Variants in INTS3 observed in about 807,000 individuals in gnomAD.
INTS3 encodes SOSS complex subunit A.
Under a neutral mutation model 146.3 loss-of-function variants are expected in INTS3, and 34 were observed. That is an observed-to-expected ratio of 0.23 (90% CI 0.18 to 0.31). The LOEUF (loss-of-function observed/expected upper bound fraction) is 0.31. Ranked by LOEUF, INTS3 falls within the 10% of genes least tolerant of loss-of-function variation. INTS3 has a pLI of 1.00. For missense variants in INTS3, 757 were observed against 1,304.2 expected, an observed-to-expected ratio of 0.58 and a Z score of 6.46; for synonymous variants, 475 against 494.9, an observed-to-expected ratio of 0.96 and a Z score of 0.53.
Position 153,774,060 on chromosome 1 carries a change from A to G in INTS3, c.*790A>G, listed in dbSNP as rs565693379. The G allele has an allele frequency of 5.0e-5, 8 of 160,494 alleles. No individual in the cohort carries two copies. The highest frequency in any genetic ancestry group is 4.8e-5 in the African/African-American group (2 of 41,430). The allele number at this position is 160,494 out of a possible 1,614,324, so 9.9% of individuals were successfully genotyped here. ...TCTTAAAAGTTGTTTTTAAATGACA[A>G]TAAAACAAGCCAGAATGTCTTTTGT... is the stretch of plus-strand genomic sequence containing the variant. On this transcript the variant is annotated 3_prime_UTR_variant, in exon 30 of 30. Coordinates refer to ENST00000318967, the MANE Select transcript of INTS3 (RefSeq NM_023015.5).
chr1:153,765,580 T>A (rs917399878), intron 20 of INTS3, among the ~76,000 whole-genome samples: 4 of 152,080 alleles, frequency 2.6e-5, no homozygotes, highest in Non-Finnish European at 5.9e-5. Flanking sequence ...TTTATTTATT[T>A]ATTTTTTGAG....
chr1:153,767,207 C>G, intron 20 of INTS3: 1 of 154,264 alleles, frequency 6.5e-6, no homozygotes. Flanking sequence ...TCTTTTACCA[C>G]TTGTGTTTTT....
chr1:153,765,674 A>G (rs1672553139), intron 20 of INTS3, among the ~76,000 whole-genome samples: 1 of 151,720 alleles, frequency 6.6e-6, no homozygotes, highest in African/African-American at 2.4e-5. Context: ...GGTTCAAGCA[A>G]TTCTCCCACC....
intron 25 of INTS3, among the ~76,000 whole-genome samples, 177 bp from the exon 26 acceptor site, chr1:153,771,618 CT>C (rs1317965013): frequency 6.6e-6 from 1 of 152,182 alleles, no homozygotes; most frequent in Non-Finnish European, 1.5e-5. Context: ...CTCACTTCTT[CT>C]CTCCTGGCTT....
At chr1:153,756,730 C>T (rs1188953970) in intron 9 of INTS3, among the ~76,000 whole-genome samples, 1 of 151,794 alleles carries the variant, frequency 6.6e-6, no homozygotes, top group African/African-American at 2.4e-5. Flanking sequence ...GCAGGAGAAT[C>T]GCTTGAACCT....
rs1473861578 is a variant in INTS3, at chr1:153,728,057, C to T, written c.-578C>T. On this transcript the variant is annotated 5_prime_UTR_variant, in exon 1 of 30. Coordinates refer to ENST00000318967, the MANE Select transcript of INTS3 (RefSeq NM_023015.5). ...CCCCCTCCCCCGCCCTCCGCCTTCC[C>T]ACCCCCCGCCCTTCCACTATGGCCG... 2 of 170,488 alleles carry T rather than the reference C, an allele frequency of 1.2e-5. No homozygotes were observed. The highest frequency in any genetic ancestry group is 1.4e-4 in the East Asian group (1 of 7,102). The allele number at this position is 170,488 out of a possible 1,614,324, so 10.6% of individuals were successfully genotyped here. A position where few individuals can be genotyped will look rare whatever the true frequency, so the allele number is the denominator to read the frequency against.
chr1:153,729,673 C>G (rs1670991519), intron 1 of INTS3, among the ~76,000 whole-genome samples: 1 of 152,080 alleles, frequency 6.6e-6, no homozygotes, highest in Non-Finnish European at 1.5e-5. Context: ...CGAGACCATC[C>G]TGGCCAACAT....
intron 25 of INTS3, among the ~76,000 whole-genome samples, chr1:153,771,037 G>GC (rs945565438): frequency 8.3e-4 from 122 of 147,306 alleles, no homozygotes; most frequent in African/African-American, 1.6e-3. Flanking sequence ...TCCCCGCCGC[G>GC]CCCCCCCCAC....
chr1:153,760,734 T>A, intron 12 of INTS3, 93 bp from the exon 13 acceptor site: 2 of 1,030,964 alleles, frequency 1.9e-6, no homozygotes, highest in Non-Finnish European at 3.1e-6. Flanking sequence ...CAGTGTCCCC[T>A]GATCAAAACC....
chr1:153,747,445 C>A, intron 5 of INTS3, 82 bp downstream of exon 5: 2 of 1,047,126 alleles, frequency 1.9e-6, no homozygotes, highest in Non-Finnish European at 3.0e-6. Context: ...GATTAAGTGC[C>A]AAAGGGATGG....
chr1:153,744,698 A>G (rs1671659734), intron 3 of INTS3, among the ~76,000 whole-genome samples: 2 of 152,232 alleles, frequency 1.3e-5, no homozygotes, highest in Admixed American at 6.5e-5. Context: ...TAGAGAGCAG[A>G]TGGTACTGAG....
intron 3 of INTS3, among the ~76,000 whole-genome samples, chr1:153,743,361 T>C (rs1326314292): frequency 6.6e-6 from 1 of 152,146 alleles, no homozygotes; most frequent in Non-Finnish European, 1.5e-5. Flanking sequence ...GGGAAGTGGA[T>C]ATGGTGGAGA....
Position 153,770,752 on chromosome 1 carries a change from G to T in INTS3, c.2552+19G>T, listed in dbSNP as rs374893457. 412 of 1,600,022 alleles carry T rather than the reference G, an allele frequency of 2.6e-4. No individual in the cohort carries two copies. Among genetic ancestry groups the T allele is most frequent in the Non-Finnish European group, 3.3e-4 (386 of 1,167,494 alleles). ...GAGAAAAGTGAGTTCCACTTCTGGG[G>T]CTCTTTAGCCCTCAATTTTAACATC... On this transcript the variant is annotated intron_variant, in intron 25 of 29. Coordinates refer to ENST00000318967, the MANE Select transcript of INTS3 (RefSeq NM_023015.5).
At chr1:153,756,767 G>C (rs1270902813) in intron 9 of INTS3, among the ~76,000 whole-genome samples, 1 of 151,992 alleles carries the variant, frequency 6.6e-6, no homozygotes, top group Non-Finnish European at 1.5e-5. Context: ...AGTGAACTGA[G>C]ATTGCACCAT....
intron 11 of INTS3, chr1:153,760,092 C>T (rs988612121): frequency 1.2e-5 from 7 of 581,120 alleles, no homozygotes; most frequent in African/African-American, 7.5e-5. Flanking sequence ...TTTAGCCTGG[C>T]GTGGTGGCGC....
chr1:153,734,275 A>G (rs1262167123), intron 1 of INTS3, among the ~76,000 whole-genome samples: 1 of 152,116 alleles, frequency 6.6e-6, no homozygotes, highest in Non-Finnish European at 1.5e-5. Context: ...CTATTACTTG[A>G]TTGTAGGGAT....
At chr1:153,763,769 T>C (rs1672475699) in intron 16 of INTS3, 63 bp from the exon 17 acceptor site, 2 of 1,364,516 alleles carry the variant, frequency 1.5e-6, no homozygotes, top group Non-Finnish European at 2.1e-6. Flanking sequence ...CTGTTCTGGG[T>C]GTGTGTCCTG....
intron 3 of INTS3, among the ~76,000 whole-genome samples, chr1:153,746,139 C>T (rs1488621173): frequency 6.6e-6 from 1 of 152,228 alleles, no homozygotes; most frequent in African/African-American, 2.4e-5. Flanking sequence ...GGGCCCTGCC[C>T]TGGATCTTCT....
intron 3 of INTS3, among the ~76,000 whole-genome samples, chr1:153,745,223 C>T (rs1407902381): frequency 4.7e-5 from 7 of 147,926 alleles, no homozygotes; most frequent in African/African-American, 1.8e-4. Flanking sequence ...GTGGTACGAT[C>T]TTGGCTAACT....
Sources: allele counts gnomAD v4.1 joint callset (sites outside exome capture counted in the v4.1 genomes callset), GRCh38; gene constraint gnomAD v4.1.1; transcripts MANE v1.5; gene names NCBI Gene and HGNC (gene_info 2026-07-23, HGNC 2026-07-21).